The following SHOC1 variants were observed in gnomAD, a reference collection of about 807,000 sequenced individuals.
SHOC1 encodes the protein shortage in chiasmata 1, also known as protein shortage in chiasmata 1 ortholog.
In SHOC1, 136 loss-of-function variants were observed where a neutral mutation model predicts 179.2. That is an observed-to-expected ratio of 0.76 (90% CI 0.66 to 0.87). The LOEUF (loss-of-function observed/expected upper bound fraction) is 0.87, where lower values mean the gene tolerates loss of function less well. SHOC1 is among the 40% of genes least tolerant of loss of function. The pLI is 0.00. For missense variants in SHOC1, 1,538 were observed against 1,700.8 expected (o/e 0.90, Z 1.68); for synonymous variants, 489 against 586.6 (o/e 0.83, Z 2.41).
In SHOC1 at chr9:111,756,403, A is replaced by G. The variant is rs760851446; in HGVS notation, c.784T>C (p.Ser262Pro). 6.2e-7 allele frequency: 1 copy of G among 1,611,056 alleles called. No individual in the cohort carries two copies. The highest frequency in any genetic ancestry group is 8.5e-7 in the Non-Finnish European group (1 of 1,177,702). ...LKPEIDIPSLSELKELLNPVP... is the reference protein window; with the variant it reads ...LKPEIDIPSLPELKELLNPVP... ...GGGTTTAATAACTCCTTCAGTTCTGAGAGTGATGGAATATCAATTTCTGGT... is the reference window on the plus strand; with the variant it reads ...GGGTTTAATAACTCCTTCAGTTCTGGGAGTGATGGAATATCAATTTCTGGT... The change falls in exon 8 of 28, where the codon TCA becomes CCA. Residue 262 changes from serine (S) to proline (P), a missense_variant. Physicochemically the swap from Ser to Pro is moderately conservative, Grantham distance 74. Transcript: ENST00000682961.
chr9:111,790,873 G>A (rs1010253962), intron 2 of SHOC1, among the ~76,000 whole-genome samples: 2 of 152,308 alleles, frequency 1.3e-5, no homozygotes, highest in African/African-American at 4.8e-5. Context: ...GACATTAAAT[G>A]TGGAAAATAA....
Position 111,727,898 on chromosome 9 carries a change from T to C in SHOC1, c.1569A>G (p.Gly523=). The C allele has an allele frequency of 6.2e-7, 1 of 1,613,376 alleles. No individual in the cohort carries two copies. The highest frequency in any genetic ancestry group is 1.7e-5 in the Admixed American group (1 of 59,942). Residue 523 remains glycine (G), a synonymous_variant, in exon 13 of 28, where the codon GGA becomes GGG. Coordinates refer to ENST00000682961, the MANE Select transcript of SHOC1 (RefSeq NM_001378211.1). ...TCTTTGGTTTTTCTTCTTTTGCTGC[T>C]CCTTTATCAGAGAAATAGTCATCAG... ...CFSDDYFSDK[G]AAKEEKPKND... is the part of the protein sequence containing the mutation.
chr9:111,755,741 T>G (rs1054768699), intron 8 of SHOC1, among the ~76,000 whole-genome samples: 2 of 152,186 alleles, frequency 1.3e-5, no homozygotes, highest in African/African-American at 4.8e-5. Context: ...CTTCAAAAAT[T>G]TGTATAGTCA....
intron 11 of SHOC1, among the ~76,000 whole-genome samples, chr9:111,739,949 GTGTT>G (rs1833963335): frequency 6.6e-6 from 1 of 152,152 alleles, no homozygotes. Flanking sequence ...TTGTCTCTAT[GTGTT>G]TGGGAGGCAC....
chr9:111,711,637 A>G (rs551045022), intron 18 of SHOC1, among the ~76,000 whole-genome samples: 125 of 152,312 alleles, frequency 8.2e-4, no homozygotes, highest in African/African-American at 2.7e-3. Context: ...GGATACTTAA[A>G]TGATTAATGA....
chr9:111,733,375 C>T (rs1334865592), intron 12 of SHOC1, among the ~76,000 whole-genome samples: 1 of 151,982 alleles, frequency 6.6e-6, no homozygotes, highest in African/African-American at 2.4e-5. Context: ...ACAAAAAGGT[C>T]AGATGTCAAG....
chr9:111,791,394 C>G lies in SHOC1; in HGVS notation c.25G>C (p.Ala9Pro). 2.0e-6 allele frequency: 3 copies of G among 1,478,658 alleles called. No homozygotes were observed. The highest frequency in any genetic ancestry group is 2.7e-6 in the Non-Finnish European group (3 of 1,110,574). 91.6% of individuals were successfully genotyped at this position (1,478,658 alleles called of 1,614,324 possible). A position where few individuals can be genotyped will look rare whatever the true frequency, so the allele number is the denominator to read the frequency against. Residue 9 changes from alanine to proline, a missense_variant, in exon 2 of 28, where the codon GCA (alanine) becomes CCA (proline). Transcript: ENST00000682961. MFSALKYHAIDYLYENVVR... is the reference protein window; with the variant it reads MFSALKYHPIDYLYENVVR... ...TCTACCTCATATAAATAGTCTATTG[C>G]ATGATATTTCAATGCTGAAAACATA...
At chr9:111,693,970 A>T (rs1478855081) in intron 25 of SHOC1, 22 bp from the exon 26 acceptor site, 2 of 1,580,242 alleles carry the variant, frequency 1.3e-6, no homozygotes, top group Admixed American at 1.7e-5. Context: ...TTTAAGAAAT[A>T]ATCAGTCAGT....
intron 9 of SHOC1, 35 bp from the exon 10 acceptor site, chr9:111,746,377 T>G: frequency 7.3e-7 from 1 of 1,377,072 alleles, no homozygotes; most frequent in Middle Eastern, 1.8e-4. Context: ...ATGTAAACAT[T>G]GAATAATATT....
intron 24 of SHOC1, among the ~76,000 whole-genome samples, chr9:111,694,941 G>A (rs1277015710): frequency 1.3e-5 from 2 of 152,002 alleles, no homozygotes; most frequent in East Asian, 3.8e-4. Flanking sequence ...CAAAAATGTG[G>A]TGTTTGTGTA....
intron 19 of SHOC1, 149 bp from the exon 20 acceptor site, chr9:111,706,895 G>A (rs1379733071): frequency 1.3e-5 from 6 of 465,558 alleles, no homozygotes; most frequent in South Asian, 5.3e-5. Context: ...CTGTTGATTT[G>A]CTCTTCAATA....
intron 4 of SHOC1, among the ~76,000 whole-genome samples, chr9:111,777,694 A>G (rs1167295353): frequency 6.6e-6 from 1 of 152,210 alleles, no homozygotes; most frequent in Non-Finnish European, 1.5e-5. Context: ...AGATAAATAT[A>G]TTATTGGCAA....
At chr9:111,752,356 T>G (rs1834633243) in intron 8 of SHOC1, among the ~76,000 whole-genome samples, 1 of 152,176 alleles carries the variant, frequency 6.6e-6, no homozygotes, top group African/African-American at 2.4e-5. Context: ...TGAAAGCATA[T>G]CAGCTAAGGC....
At chr9:111,716,455 A>G (rs1391702713) in intron 16 of SHOC1, among the ~76,000 whole-genome samples, 3 of 128,900 alleles carry the variant, frequency 2.3e-5, no homozygotes, top group African/African-American at 9.0e-5. Flanking sequence ...CAATGGCGCA[A>G]TCTTGGCTCA....
At chr9:111,732,589 G>A (rs1039520223) in intron 12 of SHOC1, among the ~76,000 whole-genome samples, 1 of 152,130 alleles carries the variant, frequency 6.6e-6, no homozygotes, top group Non-Finnish European at 1.5e-5. Context: ...AAATGAACTA[G>A]TGATACACAA....
intron 21 of SHOC1, 77 bp downstream of exon 21, chr9:111,705,170 T>C (rs2181148): frequency 0.63 from 310,729 of 490,446 alleles, 96,254 homozygotes; most frequent in East Asian, 0.9. Flanking sequence ...AGAATATATA[T>C]ACACACACAC....
chr9:111,757,576 G>T (rs1438456919), intron 7 of SHOC1, among the ~76,000 whole-genome samples: 1 of 152,130 alleles, frequency 6.6e-6, no homozygotes, highest in Non-Finnish European at 1.5e-5. Flanking sequence ...TGAGAAGTTT[G>T]GCCTTTAATA....
intron 8 of SHOC1, among the ~76,000 whole-genome samples, chr9:111,754,462 A>G (rs1160149717): frequency 1.3e-5 from 2 of 152,224 alleles, no homozygotes; most frequent in Non-Finnish European, 2.9e-5. Flanking sequence ...TATAATAACA[A>G]GTTTTGGAGA....
At chr9:111,692,572 T>C in intron 26 of SHOC1, 61 bp from the exon 27 acceptor site, 10 of 1,313,928 alleles carry the variant, frequency 7.6e-6, no homozygotes, top group Non-Finnish European at 7.3e-6. Context: ...ATGATGCTTA[T>C]CTATATGGAA....
Sources: gnomAD v4.1 joint callset for allele counts (sites outside exome capture counted in the v4.1 genomes callset) on GRCh38, gnomAD v4.1.1 for gene constraint, MANE v1.5 for transcripts, NCBI Gene and HGNC (gene_info 2026-07-23, HGNC 2026-07-21) for gene names.